GALNTL5: variants seen among roughly 807,000 people sequenced by gnomAD.
GALNTL5 encodes the protein polypeptide N-acetylgalactosaminyltransferase like 5.
A neutral mutation model predicts 51.0 loss-of-function variants in GALNTL5; 44 were observed. The observed-to-expected ratio is 0.86, with a 90% CI of 0.68 to 1.11. The LOEUF (loss-of-function observed/expected upper bound fraction) is 1.11, where lower values mean the gene tolerates loss of function less well. GALNTL5 is among the 50% of genes least tolerant of loss of function. The pLI is 0.00. For missense variants in GALNTL5, 528 were observed against 531.8 expected (o/e 0.99, Z 0.07); for synonymous variants, 192 against 182.8 (o/e 1.05, Z -0.41).
chr7:151,987,065 G>A, intron 4 of GALNTL5, 94 bp from the exon 5 acceptor site: 1 of 1,101,302 alleles, frequency 9.1e-7, no homozygotes, highest in Non-Finnish European at 1.3e-6. Flanking sequence ...CTGTGGAATA[G>A]CATGGATTTT....
Position 151,983,030 on chromosome 7 carries a change from T to C in GALNTL5, c.413T>C (p.Ile138Thr). ...CCAGCCCGCCTCCCGACTGCCAGCA[T>C]TGTCATTTGCTTCTATAATGAAGAA... is the stretch of plus-strand genomic sequence containing the variant. ...HYPARLPTAS[I>T]VICFYNEECN... Residue 138 changes from isoleucine (I) to threonine (T), a missense_variant, in exon 4 of 9, where the codon ATT becomes ACT. Physicochemically the swap from Ile to Thr is moderately conservative, Grantham distance 89. Coordinates refer to ENST00000392800, the MANE Select transcript of GALNTL5 (RefSeq NM_145292.4). 1 of 1,614,204 alleles carries C rather than the reference T, an allele frequency of 6.2e-7. No individual in the cohort carries two copies.
Position 151,971,175 on chromosome 7 carries a change from A to G in GALNTL5, c.368+110A>G, listed in dbSNP as rs2081133562. 3 of 869,284 alleles carry G rather than the reference A, an allele frequency of 3.5e-6. No individual in the cohort carries two copies. The Admixed American group carries it at 8.4e-5, about 24-fold the overall frequency. 53.8% of individuals were successfully genotyped at this position (869,284 alleles called of 1,614,324 possible). A position where few individuals can be genotyped will look rare whatever the true frequency, so the allele number is the denominator to read the frequency against. ...TTACTAACCAGATTTTAATTTGATC[A>G]TACTAGAAATGTTATAGATTCCTAT... On this transcript the variant is annotated intron_variant, in intron 3 of 8. Coordinates refer to ENST00000392800, the MANE Select transcript of GALNTL5 (RefSeq NM_145292.4).
At chr7:151,964,935 A>T (rs1289675578) in intron 1 of GALNTL5, among the ~76,000 whole-genome samples, 1 of 152,156 alleles carries the variant, frequency 6.6e-6, no homozygotes, top group Non-Finnish European at 1.5e-5. Flanking sequence ...GGAGGAAGGG[A>T]AGAAGACAGA....
At chr7:152,016,748 A>C (rs184083232) in intron 8 of GALNTL5, among the ~76,000 whole-genome samples, 85 of 152,306 alleles carry the variant, frequency 5.6e-4, no homozygotes, top group Non-Finnish European at 1.1e-3. Context: ...AATGAAAATT[A>C]ACTGGGCTGG....
At chr7:151,969,046 T>A (rs2081094122) in intron 2 of GALNTL5, among the ~76,000 whole-genome samples, 1 of 152,198 alleles carries the variant, frequency 6.6e-6, no homozygotes, top group Non-Finnish European at 1.5e-5. Flanking sequence ...TCAAATGTTT[T>A]GGACAAATAT....
intron 3 of GALNTL5, among the ~76,000 whole-genome samples, chr7:151,981,807 C>T (rs1033230186): frequency 6.6e-6 from 1 of 151,118 alleles, no homozygotes; most frequent in Non-Finnish European, 1.5e-5. Flanking sequence ...GCCACCACAT[C>T]TGGCTAATTT....
chr7:151,988,659 A>G (rs965110065), intron 5 of GALNTL5, among the ~76,000 whole-genome samples: 7 of 151,810 alleles, frequency 4.6e-5, no homozygotes, highest in Admixed American at 4.6e-4. Context: ...ATTTATAGAT[A>G]TATACATATA....
intron 5 of GALNTL5, among the ~76,000 whole-genome samples, chr7:151,996,059 C>T (rs60157994): frequency 0.013 from 1,969 of 152,212 alleles, 35 homozygotes; most frequent in African/African-American, 0.045. Flanking sequence ...TTTCTTTTTA[C>T]AAAATCCAGA....
At chr7:152,012,062 A>G (rs1021249652) in intron 7 of GALNTL5, among the ~76,000 whole-genome samples, 6 of 152,228 alleles carry the variant, frequency 3.9e-5, no homozygotes, top group Non-Finnish European at 8.8e-5. Flanking sequence ...AGCGACTCAC[A>G]GCATATCCTT....
At chr7:151,972,240 G>A (rs1261424154) in intron 3 of GALNTL5, among the ~76,000 whole-genome samples, 2 of 152,186 alleles carry the variant, frequency 1.3e-5, no homozygotes, top group South Asian at 4.1e-4. Flanking sequence ...TGGAGATGAG[G>A]AACTTGTTGA....
rs1436640109 is a variant in GALNTL5 at position 152,002,830 on chromosome 7, A to G, written c.775A>G (p.Ile259Val). Residue 259 changes from isoleucine (I) to valine (V), a missense_variant, in exon 6 of 9, where the codon ATT becomes GTT. Coordinates refer to ENST00000392800, the MANE Select transcript of GALNTL5 (RefSeq NM_145292.4). ...GGTGGTGTGCCCCCTGATAGATGTC[A>G]TTGATGATAGAACTCTGGAGTATAA... Reference protein sequence around the residue: ...KMVVCPLIDVIDDRTLEYKPS... With the variant: ...KMVVCPLIDVVDDRTLEYKPS... 1 of 1,614,044 alleles carries G rather than the reference A, an allele frequency of 6.2e-7. No homozygotes were observed. Among genetic ancestry groups the G allele is most frequent in the Non-Finnish European group, 8.5e-7 (1 of 1,180,036 alleles).
chr7:151,983,145 C>A lies in GALNTL5; in HGVS notation c.528C>A (p.Ser176Arg). Residue 176 changes from serine to arginine, a missense_variant, in exon 4 of 9, where the codon AGC becomes AGA. Transcript: ENST00000392800. ...LEEIILVDDM[S>R]KVDDLKEKLD... ...AAATTATTTTGGTAGATGACATGAG[C>A]AAAGTTGGTAAGATAGAACACTCAT... The A allele has an allele frequency of 6.2e-7, 1 of 1,612,664 alleles. No individual in the cohort carries two copies. The highest frequency in any genetic ancestry group is 1.1e-5 in the South Asian group (1 of 91,048).
chr7:151,990,730 G>A (rs2081418127), intron 5 of GALNTL5, among the ~76,000 whole-genome samples: 1 of 151,966 alleles, frequency 6.6e-6, no homozygotes, highest in African/African-American at 2.4e-5. Context: ...AGGCTCTTAG[G>A]AAGCTGGTCT....
rs375572087 is a variant in GALNTL5 at position 152,007,979 on chromosome 7, G to A, written c.1026+35G>A. On this transcript the variant is annotated intron_variant, in intron 7 of 8. Coordinates refer to ENST00000392800, the MANE Select transcript of GALNTL5 (RefSeq NM_145292.4). ...ATTTCATTTTTAAAATAGCTATAGAGAGTGAAACCTAACTTTGTCACATAC... is the reference window on the plus strand; with the variant it reads ...ATTTCATTTTTAAAATAGCTATAGAAAGTGAAACCTAACTTTGTCACATAC... The A allele has an allele frequency of 3.5e-4, 394 of 1,133,300 alleles. No homozygotes were observed. In the African/African-American group the frequency reaches 5.1e-3, roughly 15 times the overall value. 70.2% of individuals were successfully genotyped at this position (1,133,300 alleles called of 1,614,324 possible).
At chr7:151,995,348 A>ATTTTTTTTTTTTTTTTTTTTTT (rs71198750) in intron 5 of GALNTL5, 1 of 71,098 alleles carries the variant, frequency 1.4e-5, no homozygotes, top group African/African-American at 4.8e-5. Flanking sequence ...GTTGGTATGA[A>ATTTTTTTTTTTTTTTTTTTTTT]TTTTTTTTTT....
At chr7:151,984,064 C>T (rs10952342) in intron 4 of GALNTL5, 126,978 of 151,656 alleles carry the variant, frequency 0.84, 53,247 homozygotes, top group Admixed American at 0.87. Flanking sequence ...AAAAGCAGGG[C>T]ACGGGGGGTA....
intron 4 of GALNTL5, 70 bp downstream of exon 4, chr7:151,983,222 G>A: frequency 7.4e-7 from 1 of 1,348,606 alleles, no homozygotes; most frequent in South Asian, 1.2e-5. Context: ...CTGTCACCCA[G>A]GCTGGAGTGC....
intron 6 of GALNTL5, among the ~76,000 whole-genome samples, chr7:152,007,220 G>A (rs1174727507): frequency 6.6e-6 from 1 of 152,098 alleles, no homozygotes; most frequent in Non-Finnish European, 1.5e-5. Flanking sequence ...CTGCTACCCA[G>A]TTCAATTGTC....
At chr7:151,981,621 CCTT>C (rs2081291542) in intron 3 of GALNTL5, among the ~76,000 whole-genome samples, 1 of 117,946 alleles carries the variant, frequency 8.5e-6, no homozygotes, top group African/African-American at 3.1e-5. Context: ...TTCCTTCCTT[CCTT>C]CCTTCCTCCC....
Sources: gnomAD v4.1 joint callset for allele counts (sites outside exome capture counted in the v4.1 genomes callset) on GRCh38, gnomAD v4.1.1 for gene constraint, MANE v1.5 for transcripts, NCBI Gene and HGNC (gene_info 2026-07-23, HGNC 2026-07-21) for gene names.